Variants in ITGB6 observed in about 807,000 individuals in gnomAD.
ITGB6 encodes integrin beta-6.
ITGB6 carries 80 observed loss-of-function variants against 84.5 expected under a neutral mutation model. That is an observed-to-expected ratio of 0.95 (90% CI 0.79 to 1.14). The LOEUF is 1.14. ITGB6 is among the 50% of genes most tolerant of loss of function. The probability of loss-of-function intolerance (pLI) is 0.00; values close to 1 mark genes in which losing one functional copy is unlikely to be tolerated. For missense variants in ITGB6, 1,006 were observed against 968.0 expected, an observed-to-expected ratio of 1.04 and a Z score of -0.52; for synonymous variants, 383 against 354.9, an observed-to-expected ratio of 1.08 and a Z score of -0.89.
At chr2:160,126,291 T>C (rs1408506677) in intron 11 of ITGB6, 88 bp downstream of exon 11, 1 of 1,221,968 alleles carries the variant, frequency 8.2e-7, no homozygotes, top group Non-Finnish European at 1.2e-6. Flanking sequence ...GCAAATACAA[T>C]CTGAGGTCTG....
At chr2:160,166,441 G>A (rs1006143418) in intron 7 of ITGB6, among the ~76,000 whole-genome samples, 19 of 152,008 alleles carry the variant, frequency 1.2e-4, no homozygotes, top group Non-Finnish European at 5.9e-5. Flanking sequence ...AATATGATTC[G>A]ACAATGTCAT....
chr2:160,144,771 A>G (rs935454224), intron 7 of ITGB6, among the ~76,000 whole-genome samples: 2 of 152,208 alleles, frequency 1.3e-5, no homozygotes, highest in Admixed American at 6.5e-5. Context: ...AAACATAACT[A>G]TAATCCTGCA....
chr2:160,187,166 CTGA>C (rs1685934458), intron 4 of ITGB6, among the ~76,000 whole-genome samples: 1 of 152,050 alleles, frequency 6.6e-6, no homozygotes, highest in Non-Finnish European at 1.5e-5. Context: ...TAAGATTTGT[CTGA>C]TGAGAATGGT....
intron 4 of ITGB6, among the ~76,000 whole-genome samples, chr2:160,186,269 T>A (rs1439456632): frequency 1.0e-5 from 1 of 96,896 alleles, no homozygotes. Flanking sequence ...TTAAACAAAT[T>A]TCCAAAAAAA....
At chr2:160,107,439 A>G (rs1696951627) in intron 14 of ITGB6, among the ~76,000 whole-genome samples, 1 of 152,182 alleles carries the variant, frequency 6.6e-6, no homozygotes, top group Non-Finnish European at 1.5e-5. Flanking sequence ...CAGGAGCCTC[A>G]TGAGACCCTT....
intron 12 of ITGB6, among the ~76,000 whole-genome samples, chr2:160,115,010 G>C (rs1682702812): frequency 6.6e-6 from 1 of 152,216 alleles, no homozygotes; most frequent in Non-Finnish European, 1.5e-5. Context: ...GCTCAAACTG[G>C]GTGGAGCCCA....
At chr2:160,132,538 A>C (rs1205992330) in intron 10 of ITGB6, among the ~76,000 whole-genome samples, 1 of 152,104 alleles carries the variant, frequency 6.6e-6, no homozygotes, top group Non-Finnish European at 1.5e-5. Flanking sequence ...TAACTTGCTT[A>C]GTTTTCTATA....
chr2:160,115,193 G>A (rs1274799075), intron 12 of ITGB6, among the ~76,000 whole-genome samples: 4 of 152,228 alleles, frequency 2.6e-5, no homozygotes, highest in Non-Finnish European at 4.4e-5. Flanking sequence ...TGGGCAGACT[G>A]CCTCCTCAAG....
At chr2:160,110,365 T>C (rs1482576770) in intron 13 of ITGB6, among the ~76,000 whole-genome samples, 1 of 152,200 alleles carries the variant, frequency 6.6e-6, no homozygotes, top group Non-Finnish European at 1.5e-5. Context: ...ATCTGGCAAA[T>C]GGTATTAGGG....
At chr2:160,117,689 A>G (rs1682845659) in intron 12 of ITGB6, among the ~76,000 whole-genome samples, 1 of 152,170 alleles carries the variant, frequency 6.6e-6, no homozygotes, top group Non-Finnish European at 1.5e-5. Context: ...GGAAATAGAG[A>G]CACAAAAAAC....
At chr2:160,109,563 C>A (rs151158835) in intron 13 of ITGB6, among the ~76,000 whole-genome samples, 1 of 152,320 alleles carries the variant, frequency 6.6e-6, no homozygotes, top group Non-Finnish European at 1.5e-5. Flanking sequence ...TGAAAGTCCT[C>A]AGGAATTGTA....
At chr2:160,137,407 G>A (rs1455762122) in intron 10 of ITGB6, 27 bp downstream of exon 10, 2 of 1,583,002 alleles carry the variant, frequency 1.3e-6, no homozygotes. Flanking sequence ...GCAGCCACAG[G>A]GTAAGATGGA....
At chr2:160,183,779 TAACA>T (rs1267101826) in intron 4 of ITGB6, among the ~76,000 whole-genome samples, 2 of 152,184 alleles carry the variant, frequency 1.3e-5, no homozygotes, top group African/African-American at 4.8e-5. Context: ...ATGGAAATCA[TAACA>T]AACAGTCTCT....
chr2:160,133,282 A>G (rs1164517330), intron 10 of ITGB6, among the ~76,000 whole-genome samples: 1 of 152,190 alleles, frequency 6.6e-6, no homozygotes, highest in Non-Finnish European at 1.5e-5. Flanking sequence ...GATAAAACAG[A>G]CTTTAAACAA....
chr2:160,116,904 A>G (rs1285973545), intron 12 of ITGB6, among the ~76,000 whole-genome samples: 1 of 151,504 alleles, frequency 6.6e-6, no homozygotes, highest in African/African-American at 2.4e-5. Context: ...ACAAAGATCA[A>G]AAGAGACAAA....
chr2:160,123,780 A>C lies in ITGB6; in HGVS notation c.1981+11T>G. ...ATAAGGAAATGAAAAACAATTTAAG[A>C]CAAGCAGAACCTTCTTCTTCACTGA... On this transcript the variant is annotated intron_variant, in intron 12 of 14. Coordinates refer to ENST00000283249, the MANE Select transcript of ITGB6 (RefSeq NM_000888.5). 6.2e-7 allele frequency: 1 copy of C among 1,605,854 alleles called. No homozygotes were observed. Among genetic ancestry groups the C allele is most frequent in the East Asian group, 2.2e-5 (1 of 44,838 alleles).
At chr2:160,170,700 G>A (rs1444644552) in intron 6 of ITGB6, among the ~76,000 whole-genome samples, 1 of 152,192 alleles carries the variant, frequency 6.6e-6, no homozygotes, top group African/African-American at 2.4e-5. Context: ...TGAGTACACA[G>A]GAAGTGCTCA....
At chr2:160,124,965 T>C (rs577363615) in intron 11 of ITGB6, among the ~76,000 whole-genome samples, 19 of 152,330 alleles carry the variant, frequency 1.2e-4, no homozygotes, top group Admixed American at 5.9e-4. Context: ...GGTCTGGTGA[T>C]TGTGGAAGCT....
At chr2:160,144,173 G>A (rs1330836343) in intron 7 of ITGB6, among the ~76,000 whole-genome samples, 2 of 152,266 alleles carry the variant, frequency 1.3e-5, no homozygotes, top group African/African-American at 2.4e-5. Flanking sequence ...AAAGTGTTGG[G>A]ATTACAGGTG....
Sources: allele counts gnomAD v4.1 joint callset (sites outside exome capture counted in the v4.1 genomes callset), GRCh38; gene constraint gnomAD v4.1.1; transcripts MANE v1.5; gene names NCBI Gene and HGNC (gene_info 2026-07-23, HGNC 2026-07-21).